PHACTR1: variants seen among roughly 807,000 people sequenced by gnomAD.
The protein encoded by PHACTR1 is phosphatase and actin regulator 1, also known as RPEL repeat containing 1.
A neutral mutation model predicts 69.2 loss-of-function variants in PHACTR1; 16 were observed. The observed-to-expected ratio is 0.23, with a 90% CI of 0.16 to 0.35. PHACTR1 has a LOEUF of 0.35. Ranked by LOEUF, PHACTR1 falls within the 10% of genes least tolerant of loss-of-function variation. PHACTR1 has a pLI of 1.00. For synonymous variants in PHACTR1, 312 were observed against 284.5 expected, an observed-to-expected ratio of 1.10 and a Z score of -0.97; for missense variants, 510 against 734.7, an observed-to-expected ratio of 0.69 and a Z score of 3.54.
At position 13,058,800 on chromosome 6, in the gene PHACTR1, A is replaced by T. The variant is rs76122995; in HGVS notation, c.415+5271A>T. 8.9e-3 allele frequency among the ~76,000 whole-genome samples: 1,358 copies of T among 152,214 alleles called. 13 individuals are homozygous for T. Among genetic ancestry groups the T allele is most frequent in the African/African-American group, 0.031 (1,291 of 41,524 alleles). On this transcript the variant is annotated intron_variant, in intron 5 of 14. Coordinates refer to ENST00000332995, the MANE Select transcript of PHACTR1 (RefSeq NM_030948.6). ...GCCCTGTGGTAGAAGAGGAGAGGTGAGCCGTCTAGGAGAGCGAGAAAGACC... is the reference window on the plus strand; with the variant it reads ...GCCCTGTGGTAGAAGAGGAGAGGTGTGCCGTCTAGGAGAGCGAGAAAGACC...
At chr6:12,848,393 C>G (rs1297146371) in intron 4 of PHACTR1, among the ~76,000 whole-genome samples, 1 of 152,136 alleles carries the variant, frequency 6.6e-6, no homozygotes, top group Admixed American at 6.6e-5. Context: ...GCTCATTTTT[C>G]TTTTCTCCTA....
intron 10 of PHACTR1, among the ~76,000 whole-genome samples, chr6:13,257,071 C>G (rs1033238802): frequency 6.6e-5 from 10 of 152,196 alleles, no homozygotes; most frequent in African/African-American, 2.2e-4. Flanking sequence ...CCTGGTTCTG[C>G]AGGCTGTACA....
At chr6:12,900,206 C>T (rs1399890700) in intron 4 of PHACTR1, among the ~76,000 whole-genome samples, 2 of 152,026 alleles carry the variant, frequency 1.3e-5, no homozygotes, top group Non-Finnish European at 2.9e-5. Flanking sequence ...AGATTTTTTA[C>T]TTTATTATTT....
intron 5 of PHACTR1, among the ~76,000 whole-genome samples, chr6:13,144,608 A>G (rs1823012645): frequency 6.6e-6 from 1 of 151,922 alleles, no homozygotes; most frequent in Non-Finnish European, 1.5e-5. Context: ...ATTCTAAAAT[A>G]TGTGTGAATT....
At chr6:13,183,928 C>T (rs1464677830) in intron 7 of PHACTR1, among the ~76,000 whole-genome samples, 2 of 152,132 alleles carry the variant, frequency 1.3e-5, no homozygotes, top group African/African-American at 4.8e-5. Flanking sequence ...TTCATGAAAG[C>T]CAGTCAGGGG....
At chr6:12,804,516 A>T (rs550078210) in intron 4 of PHACTR1, among the ~76,000 whole-genome samples, 4 of 152,210 alleles carry the variant, frequency 2.6e-5, no homozygotes, top group South Asian at 4.1e-4. Context: ...ACATTTTCTT[A>T]TAGGGATTTT....
intron 4 of PHACTR1, among the ~76,000 whole-genome samples, chr6:12,779,109 G>A (rs1037331353): frequency 2.0e-5 from 3 of 152,206 alleles, no homozygotes; most frequent in Non-Finnish European, 4.4e-5. Flanking sequence ...GCCGAGGCTG[G>A]CGGGTCACCT....
intron 4 of PHACTR1, among the ~76,000 whole-genome samples, chr6:12,914,845 C>G (rs1459637252): frequency 6.6e-6 from 1 of 152,190 alleles, no homozygotes; most frequent in Non-Finnish European, 1.5e-5. Context: ...ACTGGGACCC[C>G]TCCTAAGGAC....
At chr6:13,102,185 A>G (rs981122323) in intron 5 of PHACTR1, among the ~76,000 whole-genome samples, 6 of 152,232 alleles carry the variant, frequency 3.9e-5, no homozygotes, top group Admixed American at 3.9e-4. Flanking sequence ...CCAAGTATTT[A>G]GCAATCAGCA....
intron 4 of PHACTR1, among the ~76,000 whole-genome samples, chr6:12,856,220 CTT>C (rs919131888): frequency 1.3e-5 from 2 of 149,994 alleles, no homozygotes; most frequent in African/African-American, 2.5e-5. Context: ...TTCACCCTTT[CTT>C]TTTTTCTTTT....
rs558658694 is a variant in PHACTR1, at chr6:12,785,285, A to G, written c.250+35495A>G. On this transcript the variant is annotated intron_variant, in intron 4 of 14. Coordinates refer to ENST00000332995, the MANE Select transcript of PHACTR1 (RefSeq NM_030948.6). ...ATTGTAGTTTTTATTTTGTATTGTC[A>G]TAGAAAAGGTGGCTGTATCCACCAC... Among the ~76,000 whole-genome samples, 6 of 152,314 alleles carry G rather than the reference A, an allele frequency of 3.9e-5. No individual in the cohort carries two copies. The South Asian group carries it at 1.2e-3, about 32-fold the overall frequency.
At chr6:12,934,946 C>T (rs1372470132) in intron 4 of PHACTR1, among the ~76,000 whole-genome samples, 4 of 152,220 alleles carry the variant, frequency 2.6e-5, no homozygotes, top group Non-Finnish European at 5.9e-5. Context: ...GACCCTGTCT[C>T]TATTTTCAAT....
At chr6:12,858,651 C>T (rs142983800) in intron 4 of PHACTR1, among the ~76,000 whole-genome samples, 1 of 152,134 alleles carries the variant, frequency 6.6e-6, no homozygotes, top group African/African-American at 2.4e-5. Flanking sequence ...TTAAAAATTG[C>T]AGGACATGGT....
At chr6:13,248,081 A>C (rs1228206516) in intron 10 of PHACTR1, among the ~76,000 whole-genome samples, 1 of 152,182 alleles carries the variant, frequency 6.6e-6, no homozygotes, top group Non-Finnish European at 1.5e-5. Flanking sequence ...GAAGCCTGCC[A>C]TATCAGTACA....
intron 4 of PHACTR1, among the ~76,000 whole-genome samples, chr6:12,839,834 C>T (rs1778517437): frequency 6.6e-6 from 1 of 152,124 alleles, no homozygotes; most frequent in Non-Finnish European, 1.5e-5. Flanking sequence ...ATAGGCTGCG[C>T]AGAAGGTGAA....
chr6:13,122,768 A>G (rs181285300), intron 5 of PHACTR1, among the ~76,000 whole-genome samples: 2 of 152,244 alleles, frequency 1.3e-5, no homozygotes, highest in South Asian at 2.1e-4. Context: ...TTTTAGGGCC[A>G]TCGGAAGGAC....
chr6:12,944,754 A>ATTATTTATTTATTTATTTAT (rs1181743004), intron 4 of PHACTR1, among the ~76,000 whole-genome samples: 3 of 147,662 alleles, frequency 2.0e-5, no homozygotes, highest in South Asian at 2.1e-4. Context: ...CACCTTTTGA[A>ATTATTTATTTATTTATTTAT]TTATTTATTT....
intron 5 of PHACTR1, among the ~76,000 whole-genome samples, chr6:13,060,818 G>A (rs909719993): frequency 6.6e-6 from 1 of 152,186 alleles, no homozygotes; most frequent in Non-Finnish European, 1.5e-5. Context: ...TCCTGGTACA[G>A]CTCATAGTTG....
At chr6:12,872,029 G>A (rs1330671538) in intron 4 of PHACTR1, among the ~76,000 whole-genome samples, 2 of 151,770 alleles carry the variant, frequency 1.3e-5, no homozygotes, top group Admixed American at 1.3e-4. Context: ...ATGAACATGA[G>A]TTTTATTTAT....
Sources: allele counts gnomAD v4.1 joint callset (sites outside exome capture counted in the v4.1 genomes callset), GRCh38; gene constraint gnomAD v4.1.1; transcripts MANE v1.5; gene names NCBI Gene and HGNC (gene_info 2026-07-23, HGNC 2026-07-21).